MKI67: variants seen among roughly 807,000 people sequenced by gnomAD.
MKI67 encodes the protein proliferation marker protein Ki-67.
In MKI67, 152 loss-of-function variants were observed where a neutral mutation model predicts 233.5. That is an observed-to-expected ratio of 0.65 (90% CI 0.57 to 0.74). The LOEUF is 0.74. MKI67 is among the 30% of genes least tolerant of loss of function. MKI67 has a pLI of 0.00. For synonymous variants in MKI67, 1,465 were observed against 1,418.5 expected (o/e 1.03, Z -0.74); for missense variants, 3,940 against 3,885.2 (o/e 1.01, Z -0.37).
rs1216710479 is a variant in MKI67, at chr10:128,107,977, A to G, written c.3863T>C (p.Leu1288Pro). 1 of 1,613,676 alleles carries G rather than the reference A, an allele frequency of 6.2e-7. No individual in the cohort carries two copies. The highest frequency in any genetic ancestry group is 1.1e-5 in the South Asian group (1 of 91,062). The change falls in exon 13 of 15, where the codon CTA becomes CCA. Residue 1288 changes from leucine (L) to proline (P), a missense_variant. Physicochemically the swap from Leu to Pro is moderately conservative, Grantham distance 98. Coordinates refer to ENST00000368654, the MANE Select transcript of MKI67 (RefSeq NM_002417.5). The stretch of plus-strand genomic sequence containing the variant: ...CATGGCTTTGCCTGCTGATGGCATT[A>G]GATTCCTGCACGCTAAGAGTTCTCC... Reference protein sequence around the residue: ...VEGELLACRNLMPSAGKAMHT... With the variant: ...VEGELLACRNPMPSAGKAMHT...
chr10:128,120,106 TG>T (rs1565015039), intron 4 of MKI67, among the ~76,000 whole-genome samples: 1 of 152,258 alleles, frequency 6.6e-6, no homozygotes, highest in Non-Finnish European at 1.5e-5. Flanking sequence ...TTCAAATCTT[TG>T]TTGGATGTCT....
At chr10:128,117,230 C>T (rs1198217362) in intron 5 of MKI67, among the ~76,000 whole-genome samples, 3 of 152,250 alleles carry the variant, frequency 2.0e-5, no homozygotes, top group Non-Finnish European at 2.9e-5. Flanking sequence ...CTCAGAACTA[C>T]TGACTGCGTC....
Position 128,108,680 on chromosome 10 carries a change from T to C in MKI67, c.3160A>G (p.Thr1054Ala), listed in dbSNP as rs746108417. 6.2e-7 allele frequency: 1 copy of C among 1,614,082 alleles called. No homozygotes were observed. The highest frequency in any genetic ancestry group is 8.5e-7 in the Non-Finnish European group (1 of 1,180,034). ...FTRTSGETTH[T>A]HREPAGDGKS... is the part of the protein sequence containing the mutation. The stretch of plus-strand genomic sequence containing the variant: ...CCATCTCCTGCTGGCTCTCTGTGCG[T>C]GTGCGTGGTCTCCCCTGACGTCCGT... Residue 1054 changes from threonine (T) to alanine (A), a missense_variant, in exon 13 of 15, where the codon ACG becomes GCG. Coordinates refer to ENST00000368654, the MANE Select transcript of MKI67 (RefSeq NM_002417.5).
Position 128,119,241 on chromosome 10 carries a change from AT to A in MKI67, c.354+11del. 6.3e-7 allele frequency: 1 copy of A among 1,584,360 alleles called. No homozygotes were observed. Among genetic ancestry groups the A allele is most frequent in the Non-Finnish European group, 8.7e-7 (1 of 1,154,020 alleles). Reference sequence around the variant, plus strand: ...GAAACGAATCAGCCCAAACTTGGATATTTTCTATCACCTGTTCACGTATTTT... The same window carrying A: ...GAAACGAATCAGCCCAAACTTGGATATTTCTATCACCTGTTCACGTATTTT... On this transcript the variant is annotated intron_variant, in intron 5 of 14. Coordinates refer to ENST00000368654, the MANE Select transcript of MKI67 (RefSeq NM_002417.5).
Position 128,105,073 on chromosome 10 carries a change from C to T in MKI67, c.6767G>A (p.Arg2256Lys). 1 of 1,614,000 alleles carries T rather than the reference C, an allele frequency of 6.2e-7. No individual in the cohort carries two copies. The highest frequency in any genetic ancestry group is 8.5e-7 in the Non-Finnish European group (1 of 1,180,016). The change falls in exon 13 of 15, where the codon AGG becomes AAG. Residue 2256 changes from arginine to lysine, a missense_variant. Arg to Lys is a conservative substitution (Grantham distance 26). Transcript: ENST00000368654. Reference sequence around the variant, plus strand: ...TTTCCCTACTGATGGTGTTCGTTTCCTGAGTGCTAAGGATTCTTCCTCTAC... The same window carrying T: ...TTTCCCTACTGATGGTGTTCGTTTCTTGAGTGCTAAGGATTCTTCCTCTAC... Reference protein sequence around the residue: ...ADVEEESLALRKRTPSVGKAM... With the variant: ...ADVEEESLALKKRTPSVGKAM...
chr10:128,107,230 G>A lies in MKI67; in HGVS notation c.4610C>T (p.Ala1537Val), dbSNP rs1852524196. The change falls in exon 13 of 15, where the codon GCC (alanine) becomes GTC (valine). Residue 1537 changes from alanine to valine, a missense_variant. Coordinates refer to ENST00000368654, the MANE Select transcript of MKI67 (RefSeq NM_002417.5). ...LRKRTPSAGK[A>V]MHTPKPAVSG... ...TACTGCTGGTTTGGGTGTGTGCATG[G>A]CTTTGCCTGCTGATGGTGTTCGTTT... is the stretch of plus-strand genomic sequence containing the variant. 1.2e-6 allele frequency: 2 copies of A among 1,614,144 alleles called. No homozygotes were observed. The highest frequency in any genetic ancestry group is 1.7e-6 in the Non-Finnish European group (2 of 1,180,032).
Position 128,098,978 on chromosome 10 carries a change from C to T in MKI67, c.*212G>A. ...CTTGGCCCAGACTCCTTCACAAAGC[C>T]CCCGGTGTTCAACTATTCTCAGTCC... On this transcript the variant is annotated 3_prime_UTR_variant, in exon 15 of 15. Transcript: ENST00000368654. 2.4e-6 allele frequency: 1 copy of T among 420,276 alleles called. No individual in the cohort carries two copies. Among genetic ancestry groups the T allele is most frequent in the Non-Finnish European group, 4.2e-6 (1 of 236,184 alleles). 26.0% of individuals were successfully genotyped at this position (420,276 alleles called of 1,614,324 possible).
chr10:128,099,101 C>T lies in MKI67; in HGVS notation c.*89G>A, dbSNP rs1205621374. 71 of 1,028,240 alleles carry T rather than the reference C, an allele frequency of 6.9e-5. 1 individual carries two copies. In the South Asian group the frequency reaches 7.4e-4, roughly 11 times the overall value. The allele number at this position is 1,028,240 out of a possible 1,614,324, so 63.7% of individuals were successfully genotyped here. A position where few individuals can be genotyped will look rare whatever the true frequency, so the allele number is the denominator to read the frequency against. On this transcript the variant is annotated 3_prime_UTR_variant, in exon 15 of 15. Coordinates refer to ENST00000368654, the MANE Select transcript of MKI67 (RefSeq NM_002417.5). ...TTAAGCAGACTGACAGCCTTACTTA[C>T]AGAATTCACTTGTAATTTATGACAA...
chr10:128,112,829 C>A (rs1852710908), intron 8 of MKI67, among the ~76,000 whole-genome samples: 5 of 152,164 alleles, frequency 3.3e-5, no homozygotes, highest in Admixed American at 3.3e-4. Context: ...CCAGACATCA[C>A]TTTCCACTCC....
intron 5 of MKI67, among the ~76,000 whole-genome samples, chr10:128,118,141 T>C (rs557044389): frequency 6.6e-6 from 1 of 152,324 alleles, no homozygotes; most frequent in Admixed American, 6.5e-5. Flanking sequence ...CTCAAGCCTG[T>C]AATCCCAGCA....
intron 14 of MKI67, among the ~76,000 whole-genome samples, chr10:128,099,650 C>T (rs1196447668): frequency 6.6e-6 from 1 of 152,214 alleles, no homozygotes; most frequent in African/African-American, 2.4e-5. Flanking sequence ...TAGACAGAAG[C>T]ATGCCCAACT....
rs374320993 is a variant in MKI67, at chr10:128,105,481, C to T, written c.6359G>A (p.Arg2120Gln). 1.2e-4 allele frequency: 193 copies of T among 1,613,434 alleles called. No homozygotes were observed. Among genetic ancestry groups the T allele is most frequent in the Non-Finnish European group, 1.5e-4 (178 of 1,179,972 alleles). The part of the protein sequence containing the change: ...SMDTPTSTRR[R>Q]PKTPLGKRDI... ...CCTTTTCCCCAAAGGTGTTTTGGGC[C>T]GCCTCCTTGTGCTTGTTGGAGTGTC... The change falls in exon 13 of 15, where the codon CGG (arginine) becomes CAG (glutamine). Residue 2120 changes from arginine to glutamine, a missense_variant. By Grantham distance (43) the Arg-to-Gln change is conservative. Coordinates refer to ENST00000368654, the MANE Select transcript of MKI67 (RefSeq NM_002417.5).
chr10:128,099,095 T>C lies in MKI67; in HGVS notation c.*95A>G. The C allele has an allele frequency of 1.1e-6, 1 of 951,560 alleles. No individual in the cohort carries two copies. Among genetic ancestry groups the C allele is most frequent in the Non-Finnish European group, 1.6e-6 (1 of 633,802 alleles). 58.9% of individuals were successfully genotyped at this position (951,560 alleles called of 1,614,324 possible). On this transcript the variant is annotated 3_prime_UTR_variant, in exon 15 of 15. Coordinates refer to ENST00000368654, the MANE Select transcript of MKI67 (RefSeq NM_002417.5). ...CTTCCCTTAAGCAGACTGACAGCCT[T>C]ACTTACAGAATTCACTTGTAATTTA...
chr10:128,117,290 C>T (rs1345609537), intron 5 of MKI67, among the ~76,000 whole-genome samples: 1 of 152,230 alleles, frequency 6.6e-6, no homozygotes, highest in Admixed American at 6.5e-5. Context: ...AACTGAGGCT[C>T]CACTTGGCAT....
chr10:128,111,347 C>G (rs1187346931), intron 11 of MKI67, among the ~76,000 whole-genome samples: 2 of 152,224 alleles, frequency 1.3e-5, no homozygotes, highest in Non-Finnish European at 2.9e-5. Context: ...TAACTCTCTT[C>G]ACTGTAAAGC....
Position 128,103,462 on chromosome 10 carries a change from C to T in MKI67, c.8378G>A (p.Ser2793Asn), listed in dbSNP as rs10082533. The change falls in exon 13 of 15, where the codon AGT becomes AAT. Residue 2793 changes from serine (S) to asparagine (N), a missense_variant. By Grantham distance (46) the Ser-to-Asn change is conservative. Transcript: ENST00000368654. ...AGCTAGGTCTTCTATGGCTTGGGCA[C>T]TTTCCCTGGGTGCTCTTGGCCGTCT... ...SRRRPRAPRE[S>N]AQAIEDLAGF... 294,940 of 1,611,918 alleles carry T rather than the reference C, an allele frequency of 0.18. 28,147 individuals carry two copies. The highest frequency in any genetic ancestry group is 0.31 in the African/African-American group (23,411 of 74,370).
intron 5 of MKI67, among the ~76,000 whole-genome samples, chr10:128,118,789 CT>C (rs1444081860): frequency 3.3e-5 from 5 of 152,166 alleles, no homozygotes; most frequent in Non-Finnish European, 1.5e-5. Context: ...CACAGGATCC[CT>C]TTTCCTGTTT....
chr10:128,100,475 T>G (rs1424741131), intron 14 of MKI67, among the ~76,000 whole-genome samples: 2 of 152,232 alleles, frequency 1.3e-5, no homozygotes, highest in African/African-American at 4.8e-5. Context: ...ATGAGTTTCG[T>G]TTGCTGAACT....
Position 128,102,597 on chromosome 10 carries a change from G to C in MKI67, c.9243C>G (p.Asp3081Glu). ...CTCTCACCTTATTTTCAGGGACCGA[G>C]TCTTGTAATTTGTGTTCCTCTTTGT... ...KTNKEEHKLQ[D>E]SVPENKGISL... The change falls in exon 13 of 15, where the codon GAC becomes GAG. Residue 3081 changes from aspartate to glutamate, a missense_variant. By Grantham distance (45) the Asp-to-Glu change is conservative (BLOSUM62 2). Coordinates refer to ENST00000368654, the MANE Select transcript of MKI67 (RefSeq NM_002417.5). The C allele has an allele frequency of 2.5e-6, 4 of 1,613,732 alleles. No individual in the cohort carries two copies. The highest frequency in any genetic ancestry group is 2.5e-6 in the Non-Finnish European group (3 of 1,179,692).
Sources: gnomAD v4.1 joint callset for allele counts (sites outside exome capture counted in the v4.1 genomes callset) on GRCh38, gnomAD v4.1.1 for gene constraint, MANE v1.5 for transcripts, NCBI Gene and HGNC (gene_info 2026-07-23, HGNC 2026-07-21) for gene names.